H2BC18: variants seen among roughly 807,000 people sequenced by gnomAD.
H2BC18 encodes the protein H2B clustered histone 18.
A neutral mutation model predicts 6.3 loss-of-function variants in H2BC18; 8 were observed. The ratio of observed to expected loss-of-function variants is 1.28; its 90% CI spans 0.75 to 2.31. H2BC18 has a LOEUF of 2.31. H2BC18 is among the 30% of genes most tolerant of loss of function. The probability of loss-of-function intolerance (pLI) is 0.00; values close to 1 mark genes in which losing one functional copy is unlikely to be tolerated. For missense variants in H2BC18, 106 were observed against 174.5 expected (o/e 0.61, Z 2.21); for synonymous variants, 104 against 78.1 (o/e 1.33, Z -1.75).
At chr1:149,790,917 TG>T (rs199859873) in intron 1 of H2BC18, among the ~76,000 whole-genome samples, 4,215 of 151,928 alleles carry the variant, frequency 0.028, 192 homozygotes, top group African/African-American at 0.095. Flanking sequence ...AAAGTCTCCT[TG>T]GGGGGGAAAA....
At chr1:149,811,265 G>A (rs2791060), downstream of H2BC18, 1 of 154,320 alleles carries the variant, frequency 6.5e-6, no homozygotes, top group East Asian at 2.1e-4. Flanking sequence ...CACCTCCCCC[G>A]CAACACACAC....
At chr1:149,802,085 A>G (rs2664710) in intron 1 of H2BC18, among the ~76,000 whole-genome samples, 1 of 146,562 alleles carries the variant, frequency 6.8e-6, no homozygotes, top group Admixed American at 6.8e-5. Flanking sequence ...ACTGTCTTCT[A>G]CTCTATAGAT....
chr1:149,807,740 G>A (rs1224745269), downstream of H2BC18, among the ~76,000 whole-genome samples: 1 of 151,902 alleles, frequency 6.6e-6, no homozygotes, highest in Admixed American at 6.6e-5. Context: ...AGAGGCAAAG[G>A]ATGCAGTGAG....
intron 1 of H2BC18, chr1:149,784,250 C>T (rs782689890): frequency 6.2e-7 from 1 of 1,610,890 alleles, no homozygotes; most frequent in African/African-American, 1.4e-5. Context: ...AGCTGGAAAT[C>T]CACAGAGGTA....
At chr1:149,808,522 T>C (rs1248423037), downstream of H2BC18, among the ~76,000 whole-genome samples, 11 of 152,276 alleles carry the variant, frequency 7.2e-5, no homozygotes, top group East Asian at 1.7e-3. Flanking sequence ...TAGCTCATTA[T>C]TTTTTCAAAA....
chr1:149,787,076 C>T (rs1355647761), intron 1 of H2BC18: 1 of 152,212 alleles, frequency 6.6e-6, no homozygotes, highest in Non-Finnish European at 1.5e-5. Context: ...CAGCACTTCC[C>T]ACTCTTTTGG....
intron 1 of H2BC18, among the ~76,000 whole-genome samples, chr1:149,795,251 AAAATAAATAAATAAATAAATAAAT>A (rs59487657): frequency 1.4e-4 from 15 of 108,716 alleles, no homozygotes; most frequent in African/African-American, 6.0e-4. Context: ...CCCTGTCTCA[AAAATAAATAAATAAATAAATAAAT>A]AAATAAATAA....
chr1:149,789,680 T>G (rs1378710480), intron 1 of H2BC18, among the ~76,000 whole-genome samples: 5 of 152,188 alleles, frequency 3.3e-5, no homozygotes, highest in Non-Finnish European at 5.9e-5. Context: ...CATTAGATTC[T>G]CACAGAAACA....
chr1:149,801,612 C>T (rs1355458433), intron 1 of H2BC18, among the ~76,000 whole-genome samples: 1 of 145,936 alleles, frequency 6.9e-6, no homozygotes, highest in African/African-American at 2.5e-5. Context: ...CCAGGTGGTC[C>T]GTCTCAGAAG....
At chr1:149,786,264 T>C (rs2091547157) in intron 1 of H2BC18, 1 of 152,206 alleles carries the variant, frequency 6.6e-6, no homozygotes, top group African/African-American at 2.4e-5. Context: ...TAAGGTCTTT[T>C]TGATAATTTT....
chr1:149,798,704 T>C (rs625044), intron 1 of H2BC18, among the ~76,000 whole-genome samples: 2 of 152,042 alleles, frequency 1.3e-5, no homozygotes, highest in African/African-American at 2.4e-5. Flanking sequence ...CTTGACCTCC[T>C]AGGCTCAAGC....
Position 149,812,195 on chromosome 1 carries a change from G to A in H2BC18, c.129C>T (p.Tyr43=), listed in dbSNP as rs2457472. 2.2e-5 allele frequency: 36 copies of A among 1,614,162 alleles called. No homozygotes were observed. Among genetic ancestry groups the A allele is most frequent in the Non-Finnish European group, 2.2e-5 (26 of 1,180,062 alleles). ...SRKESYSVYV[Y]KVLKQVHPDT... is the part of the protein sequence containing the mutation. ...CGGGGTGGACCTGCTTCAGCACCTT[G>A]TACACGTAAACGGAGTAGCTCTCCT... The change falls in exon 1 of 1, where the codon TAC becomes TAT. Residue 43 remains tyrosine (Y), a synonymous_variant. Coordinates refer to ENST00000369167, the MANE Select transcript of H2BC18 (RefSeq NM_001024599.5).
intron 1 of H2BC18, chr1:149,803,561 A>G (rs2091892459): frequency 6.6e-6 from 1 of 152,072 alleles, no homozygotes; most frequent in Non-Finnish European, 1.5e-5. Context: ...TATCCAATCA[A>G]TCCCAAGCTG....
intron 1 of H2BC18, chr1:149,786,934 T>C (rs587666071): frequency 1.2e-4 from 19 of 152,226 alleles, no homozygotes; most frequent in African/African-American, 4.1e-4. Flanking sequence ...TTTTCTAATA[T>C]TGCATGTGTG....
At chr1:149,785,565 G>A (rs1285691688) in intron 1 of H2BC18, 1 of 151,624 alleles carries the variant, frequency 6.6e-6, no homozygotes, top group Non-Finnish European at 1.5e-5. Flanking sequence ...TGGTTCAAGT[G>A]ACAACAAAAG....
downstream of H2BC18, among the ~76,000 whole-genome samples, chr1:149,808,634 A>G (rs2091945438): frequency 6.6e-6 from 1 of 152,250 alleles, no homozygotes; most frequent in Admixed American, 6.5e-5. Flanking sequence ...ATATTTGATA[A>G]TACATACTGA....
rs1317142824 is a variant in H2BC18 at position 149,792,694 on chromosome 1, G to T, written c.378-9434C>A. Reference sequence around the variant, plus strand: ...CGCCAGCGCCCGGGGACCCAGCTGCGGCGAAAGCTGTTGGGCGCGCGCTTC... The same window carrying T: ...CGCCAGCGCCCGGGGACCCAGCTGCTGCGAAAGCTGTTGGGCGCGCGCTTC... On this transcript the variant is annotated intron_variant, in intron 1 of 1. Transcript: ENST00000545683. 1.7e-5 allele frequency: 22 copies of T among 1,281,798 alleles called. 1 individual carries two copies. The highest frequency in any genetic ancestry group is 2.2e-5 in the Non-Finnish European group (22 of 985,912). 79.4% of individuals were successfully genotyped at this position (1,281,798 alleles called of 1,614,324 possible).
chr1:149,782,719 C>T, exon 2 of H2BC18: 1 of 1,589,738 alleles, frequency 6.3e-7, no homozygotes, highest in South Asian at 1.1e-5. Flanking sequence ...ACAGATTTCA[C>T]TGCTCCCACC....
At chr1:149,811,436 A>G (rs1465035568), downstream of H2BC18, 3 of 162,994 alleles carry the variant, frequency 1.8e-5, no homozygotes, top group African/African-American at 4.8e-5. Flanking sequence ...GCACATGGCT[A>G]TATTAGACAA....
Sources: allele counts gnomAD v4.1 joint callset (sites outside exome capture counted in the v4.1 genomes callset), GRCh38; gene constraint gnomAD v4.1.1; transcripts MANE v1.5; gene names NCBI Gene and HGNC (gene_info 2026-07-23, HGNC 2026-07-21).